AADACL4: variants seen among roughly 807,000 people sequenced by gnomAD.
AADACL4 encodes the protein arylacetamide deacetylase like 4.
AADACL4 carries 9 observed loss-of-function variants against 14.1 expected under a neutral mutation model. The observed-to-expected ratio is 0.64, with a 90% CI of 0.39 to 1.12. AADACL4 has a LOEUF of 1.12. Among genes scored for constraint, AADACL4 ranks in the 50% most tolerant of loss-of-function variants. AADACL4 has a pLI of 0.01. For synonymous variants in AADACL4, 188 were observed against 201.6 expected, an observed-to-expected ratio of 0.93 and a Z score of 0.57; for missense variants, 531 against 516.1, an observed-to-expected ratio of 1.03 and a Z score of -0.28.
At chr1:12,658,704 C>T (rs1463368580) in intron 2 of AADACL4, among the ~76,000 whole-genome samples, 2 of 149,732 alleles carry the variant, frequency 1.3e-5, no homozygotes, top group Admixed American at 6.7e-5. Context: ...CCTGCCCTGC[C>T]CCCCGTGTAC....
intron 2 of AADACL4, among the ~76,000 whole-genome samples, chr1:12,651,790 C>T (rs1380320264): frequency 2.0e-5 from 3 of 151,814 alleles, no homozygotes; most frequent in South Asian, 2.1e-4. Context: ...ATTCACCTCT[C>T]GCCCCTCATA....
Position 12,665,986 on chromosome 1 carries a change from T to A in AADACL4, c.475T>A (p.Ser159Thr). Residue 159 changes from serine (S) to threonine (T), a missense_variant, in exon 4 of 4, where the codon TCC becomes ACC. Coordinates refer to ENST00000376221, the MANE Select transcript of AADACL4 (RefSeq NM_001013630.2). ...GTACCGCAAGCTTCCTGACCACCATTCCCCTGCCCTTTTCCAAGACTGCAT... is the reference window on the plus strand; with the variant it reads ...GTACCGCAAGCTTCCTGACCACCATACCCCTGCCCTTTTCCAAGACTGCAT... Reference protein sequence around the residue: ...IGYRKLPDHHSPALFQDCMNA... With the variant: ...IGYRKLPDHHTPALFQDCMNA... The A allele has an allele frequency of 6.2e-7, 1 of 1,609,894 alleles. No homozygotes were observed. Among genetic ancestry groups the A allele is most frequent in the Non-Finnish European group, 8.5e-7 (1 of 1,176,964 alleles).
intron 2 of AADACL4, among the ~76,000 whole-genome samples, chr1:12,652,001 T>A (rs1450611037): frequency 6.6e-6 from 1 of 151,868 alleles, no homozygotes; most frequent in Non-Finnish European, 1.5e-5. Flanking sequence ...GCTAATTTTT[T>A]TTTTTTTGTA....
chr1:12,666,038 C>G lies in AADACL4; in HGVS notation c.527C>G (p.Ala176Gly). ...CMNASIHFLK[A>G]LETYGVDPSR... is the part of the protein sequence containing the mutation. ...AATGCCTCCATTCACTTCCTGAAGG[C>G]CCTGGAAACCTATGGGGTGGACCCC... Residue 176 changes from alanine (A) to glycine (G), a missense_variant, in exon 4 of 4, where the codon GCC becomes GGC. By Grantham distance (60) the Ala-to-Gly change is moderately conservative. Coordinates refer to ENST00000376221, the MANE Select transcript of AADACL4 (RefSeq NM_001013630.2). 8.1e-6 allele frequency: 13 copies of G among 1,614,202 alleles called. No homozygotes were observed. The highest frequency in any genetic ancestry group is 1.1e-5 in the Non-Finnish European group (13 of 1,180,026).
chr1:12,656,624 G>A (rs1557550210), intron 2 of AADACL4, among the ~76,000 whole-genome samples: 1 of 152,178 alleles, frequency 6.6e-6, no homozygotes, highest in Non-Finnish European at 1.5e-5. Flanking sequence ...AGAAGCATGA[G>A]AAGAGAAAAT....
rs71647051 is a variant in AADACL4, at chr1:12,644,349, G to A, written c.-198G>A. On this transcript the variant is annotated 5_prime_UTR_variant, in exon 1 of 4. Transcript: ENST00000376221. ...TTTTTCTGGGTCCCCACATTGCTTA[G>A]GGAAATAGGTTCCTCCACCTCCCAT... Among the ~76,000 whole-genome samples the A allele has an allele frequency of 6.6e-6, 1 of 152,166 alleles. No individual in the cohort carries two copies. Among genetic ancestry groups the A allele is most frequent in the African/African-American group, 2.4e-5 (1 of 41,442 alleles).
chr1:12,663,303 CAG>C (rs1380143555), intron 3 of AADACL4, among the ~76,000 whole-genome samples: 2 of 152,194 alleles, frequency 1.3e-5, no homozygotes, highest in Non-Finnish European at 2.9e-5. Flanking sequence ...TTTGATTTCT[CAG>C]AGTTTTGGAG....
Position 12,655,019 on chromosome 1 carries a change from G to A in AADACL4, c.385+3680G>A, listed in dbSNP as rs534572585. Among the ~76,000 whole-genome samples the A allele has an allele frequency of 9.2e-5, 14 of 152,246 alleles. No homozygotes were observed. The South Asian group carries it at 1.7e-3, about 18-fold the overall frequency. ...CTGTAAACGGCTCGGACACTCAGCCGGACTGGCAAAGCAGAATACATGTCA... is the reference window on the plus strand; with the variant it reads ...CTGTAAACGGCTCGGACACTCAGCCAGACTGGCAAAGCAGAATACATGTCA... On this transcript the variant is annotated intron_variant, in intron 2 of 3. Coordinates refer to ENST00000376221, the MANE Select transcript of AADACL4 (RefSeq NM_001013630.2).
intron 1 of AADACL4, among the ~76,000 whole-genome samples, chr1:12,645,852 G>GT (rs1170905253): frequency 6.6e-6 from 1 of 152,120 alleles, no homozygotes; most frequent in African/African-American, 2.4e-5. Context: ...CTTCACAGGT[G>GT]TTTTTTTCCT....
chr1:12,648,920 A>G (rs766659388), intron 1 of AADACL4, among the ~76,000 whole-genome samples: 4 of 152,164 alleles, frequency 2.6e-5, no homozygotes, highest in South Asian at 2.1e-4. Context: ...CGCGATGCCT[A>G]TGGAGGGTTA....
intron 1 of AADACL4, among the ~76,000 whole-genome samples, chr1:12,646,661 T>C (rs1439577399): frequency 6.6e-6 from 1 of 152,072 alleles, no homozygotes; most frequent in African/African-American, 2.4e-5. Context: ...GAAATGGAGA[T>C]TTTTCTGTCA....
intron 3 of AADACL4, among the ~76,000 whole-genome samples, chr1:12,665,150 C>T (rs1365466447): frequency 6.6e-6 from 1 of 152,204 alleles, no homozygotes; most frequent in Admixed American, 6.5e-5. Context: ...GCCTCAGCCT[C>T]CTGAGTAACT....
Position 12,644,607 on chromosome 1 carries a change from G to T in AADACL4, c.61G>T (p.Val21Phe), listed in dbSNP as rs201386716. Residue 21 changes from valine (V) to phenylalanine (F), a missense_variant, in exon 1 of 4, where the codon GTC becomes TTC. Val to Phe is a conservative substitution (Grantham distance 50, BLOSUM62 -1). Transcript: ENST00000376221. The part of the protein sequence containing the change: ...ALPIFFLGVF[V>F]WAVFEHFLTT... ...GCCCATCTTTTTCCTGGGGGTCTTT[G>T]TCTGGGCTGTCTTTGAGCACTTCCT... 6.3e-5 allele frequency: 102 copies of T among 1,614,130 alleles called. No individual in the cohort carries two copies. The highest frequency in any genetic ancestry group is 5.7e-4 in the Admixed American group (34 of 60,024).
At chr1:12,661,356 G>A (rs1045600931) in intron 2 of AADACL4, among the ~76,000 whole-genome samples, 7 of 152,172 alleles carry the variant, frequency 4.6e-5, no homozygotes, top group African/African-American at 1.7e-4. Context: ...TACTCATATT[G>A]ACGGACCTGC....
rs570853339 is a variant in AADACL4 at position 12,650,382 on chromosome 1, C to T, written c.169-741C>T. Among the ~76,000 whole-genome samples the T allele has an allele frequency of 6.6e-5, 10 of 152,278 alleles. No individual in the cohort carries two copies. The East Asian group carries it at 1.9e-3, about 29-fold the overall frequency. ...GATCACGTTGCTCTTTTTCATTGAA[C>T]ACGGACACAGTTAGGAATCCTTCCT... On this transcript the variant is annotated intron_variant, in intron 1 of 3. Coordinates refer to ENST00000376221, the MANE Select transcript of AADACL4 (RefSeq NM_001013630.2).
intron 2 of AADACL4, among the ~76,000 whole-genome samples, chr1:12,660,374 A>G (rs973759922): frequency 2.0e-5 from 3 of 151,948 alleles, no homozygotes; most frequent in Admixed American, 6.6e-5. Context: ...TTGATTTTGC[A>G]CCCAAGGCGA....
At chr1:12,653,878 T>A (rs1005355310) in intron 2 of AADACL4, among the ~76,000 whole-genome samples, 6 of 152,198 alleles carry the variant, frequency 3.9e-5, no homozygotes, top group Admixed American at 1.3e-4. Flanking sequence ...ATGCCATTCT[T>A]CTCTGAGTCC....
At chr1:12,662,168 T>C (rs1647239437) in intron 3 of AADACL4, among the ~76,000 whole-genome samples, 1 of 152,210 alleles carries the variant, frequency 6.6e-6, no homozygotes, top group Admixed American at 6.5e-5. Context: ...AAATGAATCT[T>C]AGTAGTATAA....
Position 12,666,465 on chromosome 1 carries a change from G to C in AADACL4, c.954G>C (p.Met318Ile). 6.2e-7 allele frequency: 1 copy of C among 1,614,196 alleles called. No homozygotes were observed. Among genetic ancestry groups the C allele is most frequent in the Non-Finnish European group, 8.5e-7 (1 of 1,180,042 alleles). ...CTGCCTATCTAGAAGCCAAACATAT[G>C]CTGGATGTAGAAAATTCACCCCTGA... is the stretch of plus-strand genomic sequence containing the variant. ...NEAAYLEAKH[M>I]LDVENSPLIA... Residue 318 changes from methionine to isoleucine, a missense_variant, in exon 4 of 4, where the codon ATG becomes ATC. Physicochemically the swap from Met to Ile is conservative, Grantham distance 10. Transcript: ENST00000376221.
Sources: allele counts gnomAD v4.1 joint callset (sites outside exome capture counted in the v4.1 genomes callset), GRCh38; gene constraint gnomAD v4.1.1; transcripts MANE v1.5; gene names NCBI Gene and HGNC (gene_info 2026-07-23, HGNC 2026-07-21).